ENTREP2: variants seen among roughly 807,000 people sequenced by gnomAD.
The protein encoded by ENTREP2 is endosomal transmembrane epsin interactor 2, also known as protein ENTREP2.
At chr15:29,454,697 G>A in the ENTREP2 span, among the ~76,000 whole-genome samples, 5 of 152,114 alleles carry the variant, frequency 3.3e-5, no homozygotes, top group East Asian at 1.9e-4. Flanking sequence ...CAGGGCCTGC[G>A]AACAGCCACG....
chr15:29,451,637 C>G, the ENTREP2 span, among the ~76,000 whole-genome samples: 2 of 152,198 alleles, frequency 1.3e-5, no homozygotes, highest in African/African-American at 2.4e-5. Flanking sequence ...CTCTGCCCAC[C>G]ACGGGAGGGT....
chr15:29,558,109 C>T, the ENTREP2 span, among the ~76,000 whole-genome samples: 11 of 152,268 alleles, frequency 7.2e-5, no homozygotes, highest in East Asian at 5.8e-4. Flanking sequence ...CCTGTGCCAG[C>T]GGATACCTGC....
At chr15:29,269,345 C>T in the ENTREP2 span, 1 of 1,614,180 alleles carries the variant, frequency 6.2e-7, no homozygotes. Flanking sequence ...GGGAAGATGT[C>T]CTTGTAGTCC....
chr15:29,579,287 C>A, the ENTREP2 span, among the ~76,000 whole-genome samples: 4 of 152,174 alleles, frequency 2.6e-5, no homozygotes, highest in Non-Finnish European at 5.9e-5. Flanking sequence ...AGGATGCACT[C>A]ATTTTTGGTG....
the ENTREP2 span, among the ~76,000 whole-genome samples, chr15:29,324,529 A>T: frequency 6.6e-6 from 1 of 152,222 alleles, no homozygotes; most frequent in African/African-American, 2.4e-5. Flanking sequence ...TCCACTTTAT[A>T]TATAAAGACT....
chr15:29,480,836 G>C, the ENTREP2 span, among the ~76,000 whole-genome samples: 1 of 152,172 alleles, frequency 6.6e-6, no homozygotes, highest in Non-Finnish European at 1.5e-5. Flanking sequence ...GGGGGTGAGA[G>C]TCTGGGAGGT....
At chr15:29,166,386 T>C in the ENTREP2 span, among the ~76,000 whole-genome samples, 1 of 152,174 alleles carries the variant, frequency 6.6e-6, no homozygotes, top group Non-Finnish European at 1.5e-5. Flanking sequence ...AAACTGTCAC[T>C]GTTTGCTGAC....
At chr15:29,656,224 A>T in the ENTREP2 span, among the ~76,000 whole-genome samples, 2 of 150,906 alleles carry the variant, frequency 1.3e-5, no homozygotes, top group African/African-American at 2.5e-5. Flanking sequence ...AGAAATGTTA[A>T]CGGAATTTTT....
At chr15:29,201,896 G>A in the ENTREP2 span, among the ~76,000 whole-genome samples, 1 of 152,086 alleles carries the variant, frequency 6.6e-6, no homozygotes, top group East Asian at 1.9e-4. Context: ...GAAACCATCT[G>A]GACCTGGAGA....
At chr15:29,571,149 C>T in the ENTREP2 span, among the ~76,000 whole-genome samples, 1 of 149,992 alleles carries the variant, frequency 6.7e-6, no homozygotes, top group Non-Finnish European at 1.5e-5. Flanking sequence ...GGGAGAGGGG[C>T]GGGGAAGGCG....
the ENTREP2 span, chr15:29,269,466 C>A: frequency 1.9e-6 from 3 of 1,613,170 alleles, no homozygotes; most frequent in Non-Finnish European, 1.7e-6. Context: ...GCTTCTGGCT[C>A]CTGGGCCCCA....
the ENTREP2 span, among the ~76,000 whole-genome samples, chr15:29,238,449 A>G: frequency 6.6e-6 from 1 of 151,992 alleles, no homozygotes; most frequent in South Asian, 2.1e-4. Context: ...TGGCTAACAC[A>G]GTGAAATCCC....
the ENTREP2 span, among the ~76,000 whole-genome samples, chr15:29,332,948 A>G: frequency 6.6e-6 from 1 of 150,934 alleles, no homozygotes; most frequent in Non-Finnish European, 1.5e-5. Flanking sequence ...AACAAAAGCG[A>G]AACTCCATCT....
chr15:29,232,412 A>G, the ENTREP2 span, among the ~76,000 whole-genome samples: 1 of 152,186 alleles, frequency 6.6e-6, no homozygotes, highest in African/African-American at 2.4e-5. Flanking sequence ...GCTAATTTAA[A>G]AAAAAGTTTT....
the ENTREP2 span, among the ~76,000 whole-genome samples, chr15:29,290,875 G>A: frequency 1.4e-4 from 21 of 152,210 alleles, no homozygotes; most frequent in Admixed American, 2.0e-4. Context: ...TGAGGAGGCC[G>A]ATGGAGATGC....
chr15:29,159,377 G>A, the ENTREP2 span, among the ~76,000 whole-genome samples: 1 of 152,184 alleles, frequency 6.6e-6, no homozygotes, highest in East Asian at 1.9e-4. Flanking sequence ...CCGAGAGAGT[G>A]AGCAGCAGCA....
chr15:29,237,696 C>T, the ENTREP2 span, among the ~76,000 whole-genome samples: 2 of 152,270 alleles, frequency 1.3e-5, no homozygotes, highest in South Asian at 4.1e-4. Context: ...GGAACCCTCA[C>T]GCGTTGCTGC....
the ENTREP2 span, among the ~76,000 whole-genome samples, chr15:29,407,776 C>T: frequency 1.4e-3 from 219 of 152,282 alleles, no homozygotes; most frequent in African/African-American, 5.1e-3. Context: ...AGCGATTCTC[C>T]TGCCGCAGCC....
chr15:29,624,730 G>A, the ENTREP2 span, among the ~76,000 whole-genome samples: 173 of 152,252 alleles, frequency 1.1e-3, no homozygotes, highest in Non-Finnish European at 2.9e-4. Context: ...AGTTTGTTGA[G>A]CCCTCCCTCA....
Sources: allele counts gnomAD v4.1 joint callset (sites outside exome capture counted in the v4.1 genomes callset), GRCh38; gene constraint gnomAD v4.1.1; transcripts MANE v1.5; gene names NCBI Gene and HGNC (gene_info 2026-07-23, HGNC 2026-07-21).